The following SH3KBP1 variants were observed in gnomAD, a reference collection of about 807,000 sequenced individuals.
SH3KBP1 encodes SH3 domain-containing kinase-binding protein 1.
Under a neutral mutation model 50.1 loss-of-function variants are expected in SH3KBP1, and 8 were observed. The observed-to-expected ratio is 0.16, with a 90% CI of 0.09 to 0.29. The LOEUF (loss-of-function observed/expected upper bound fraction) is 0.29. Ranked by LOEUF, SH3KBP1 falls within the 10% of genes least tolerant of loss-of-function variation. The pLI is 1.00. For synonymous variants in SH3KBP1, 227 were observed against 218.6 expected, an observed-to-expected ratio of 1.04 and a Z score of -0.34; for missense variants, 377 against 535.2, an observed-to-expected ratio of 0.70 and a Z score of 2.92.
intron 5 of SH3KBP1, among the ~76,000 whole-genome samples, chrX:19,688,930 G>C (rs1180164992): frequency 9.0e-6 from 1 of 111,083 alleles, no homozygotes; most frequent in East Asian, 2.8e-4. Context: ...GTTAAAATGG[G>C]AAACCCAAGA....
chrX:19,671,600 T>A (rs2062797573), intron 6 of SH3KBP1, among the ~76,000 whole-genome samples: 1 of 112,093 alleles, frequency 8.9e-6, no homozygotes, highest in Non-Finnish European at 1.9e-5. Context: ...AGCGCAGTGG[T>A]TAAGTGTTCA....
intron 16 of SH3KBP1, 25 bp downstream of exon 16, chrX:19,541,900 C>T (rs747126874): frequency 1.3e-5 from 16 of 1,187,463 alleles, no homozygotes; most frequent in South Asian, 9.4e-5. Flanking sequence ...TGGGTGACGG[C>T]CCCCAAGAGT....
chrX:19,697,517 G>A (rs2063446655), intron 4 of SH3KBP1, among the ~76,000 whole-genome samples: 1 of 111,713 alleles, frequency 9.0e-6, no homozygotes, highest in African/African-American at 3.3e-5. Flanking sequence ...TCTTCACTAG[G>A]GGCTGCGGGA....
intron 3 of SH3KBP1, among the ~76,000 whole-genome samples, chrX:19,734,506 T>G (rs1442844255): frequency 9.0e-6 from 1 of 111,723 alleles, no homozygotes; most frequent in Admixed American, 9.5e-5. Context: ...CCCCAATTTG[T>G]GTTGTATTTT....
chrX:19,542,887 CGGCTA>C (rs995662264), intron 15 of SH3KBP1, among the ~76,000 whole-genome samples: 3 of 111,658 alleles, frequency 2.7e-5, no homozygotes, highest in African/African-American at 9.8e-5. Context: ...GAAGTACAAG[CGGCTA>C]GGCGAAAGGG....
intron 8 of SH3KBP1, among the ~76,000 whole-genome samples, chrX:19,621,073 C>CTTTTTTT (rs1186690221): frequency 3.1e-5 from 1 of 32,674 alleles, no homozygotes; most frequent in Non-Finnish European, 5.9e-5. Flanking sequence ...TCTTTTCTTT[C>CTTTTTTT]TTTTTTTTTT....
At chrX:19,606,939 T>C (rs1014509100) in intron 9 of SH3KBP1, among the ~76,000 whole-genome samples, 1 of 112,734 alleles carries the variant, frequency 8.9e-6, no homozygotes, top group African/African-American at 3.2e-5. Context: ...ATCAAAAAGC[T>C]TACAAAGTGT....
intron 2 of SH3KBP1, among the ~76,000 whole-genome samples, chrX:19,758,979 T>A (rs2065297140): frequency 8.9e-6 from 1 of 111,843 alleles, no homozygotes; most frequent in Non-Finnish European, 1.9e-5. Flanking sequence ...AGACTAATAG[T>A]CTAACAGAAA....
At chrX:19,861,433 C>T (rs1194286840) in intron 1 of SH3KBP1, among the ~76,000 whole-genome samples, 1 of 110,594 alleles carries the variant, frequency 9.0e-6, no homozygotes, top group Non-Finnish European at 1.9e-5. Context: ...GCAATCCACA[C>T]TAAAAAAGAA....
At chrX:19,643,600 A>T (rs1412641245) in intron 7 of SH3KBP1, among the ~76,000 whole-genome samples, 1 of 110,336 alleles carries the variant, frequency 9.1e-6, no homozygotes, top group Non-Finnish European at 1.9e-5. Context: ...AACATCCCTC[A>T]AGCCTTTGAT....
intron 8 of SH3KBP1, among the ~76,000 whole-genome samples, chrX:19,631,343 T>C (rs1281855501): frequency 8.9e-6 from 1 of 112,759 alleles, no homozygotes; most frequent in Non-Finnish European, 1.9e-5. Flanking sequence ...TATAGCTCTC[T>C]GTTTATTTAC....
intron 13 of SH3KBP1, among the ~76,000 whole-genome samples, chrX:19,560,476 G>A (rs897310525): frequency 3.1e-4 from 35 of 111,505 alleles, no homozygotes; most frequent in Middle Eastern, 4.6e-3. Flanking sequence ...ATTTTTTGTA[G>A]AGACAGAGTA....
At chrX:19,589,816 T>TAA (rs751187520) in intron 11 of SH3KBP1, among the ~76,000 whole-genome samples, 1 of 99,048 alleles carries the variant, frequency 1.0e-5, no homozygotes, top group African/African-American at 3.7e-5. Context: ...GGCAAAAGGT[T>TAA]AAAAAAAAAA....
At chrX:19,655,177 C>T (rs2062240776) in intron 6 of SH3KBP1, among the ~76,000 whole-genome samples, 1 of 112,256 alleles carries the variant, frequency 8.9e-6, no homozygotes, top group African/African-American at 3.2e-5. Context: ...ATATTTTCTT[C>T]AGTTTTTCTT....
chrX:19,737,057 C>G (rs1246543555), intron 3 of SH3KBP1, among the ~76,000 whole-genome samples: 1 of 110,214 alleles, frequency 9.1e-6, no homozygotes, highest in African/African-American at 3.3e-5. Context: ...CATGCACACG[C>G]TGCCATGCCC....
intron 2 of SH3KBP1, among the ~76,000 whole-genome samples, chrX:19,819,386 T>C (rs1223449519): frequency 9.0e-6 from 1 of 111,600 alleles, no homozygotes; most frequent in African/African-American, 3.3e-5. Context: ...CAGGCTGGAG[T>C]GCAGTGGCAC....
chrX:19,594,871 C>T, intron 10 of SH3KBP1, 78 bp downstream of exon 10: 1 of 781,763 alleles, frequency 1.3e-6, no homozygotes, highest in Admixed American at 2.3e-5. Context: ...GAATCCCGAA[C>T]TCTACACTGA....
intron 11 of SH3KBP1, among the ~76,000 whole-genome samples, chrX:19,590,565 C>T (rs1180104538): frequency 1.8e-5 from 2 of 110,568 alleles, no homozygotes; most frequent in South Asian, 3.8e-4. Context: ...GTCCCCATCA[C>T]GGAGCCTGGC....
At chrX:19,773,005 G>A (rs1180468103) in intron 2 of SH3KBP1, among the ~76,000 whole-genome samples, 6 of 111,823 alleles carry the variant, frequency 5.4e-5, no homozygotes, top group Non-Finnish European at 9.4e-5. Flanking sequence ...CGTTTACAGC[G>A]AGTGGGAGAG....
Sources: allele counts gnomAD v4.1 joint callset (sites outside exome capture counted in the v4.1 genomes callset), GRCh38; gene constraint gnomAD v4.1.1; transcripts MANE v1.5; gene names NCBI Gene and HGNC (gene_info 2026-07-23, HGNC 2026-07-21).